AANAT: variants seen among roughly 807,000 people sequenced by gnomAD.
AANAT encodes serotonin N-acetyltransferase.
Under a neutral mutation model 15.6 loss-of-function variants are expected in AANAT, and 11 were observed. The observed-to-expected ratio is 0.71, with a 90% CI of 0.44 to 1.17. The LOEUF (loss-of-function observed/expected upper bound fraction) is 1.17. Ranked by LOEUF, AANAT falls within the 50% of genes most tolerant of loss-of-function variation. AANAT has a pLI of 0.00. For synonymous variants in AANAT, 139 were observed against 131.5 expected (o/e 1.06, Z -0.39); for missense variants, 286 against 296.3 (o/e 0.97, Z 0.26).
chr17:76,465,876 G>T, upstream of AANAT: 2 of 346,802 alleles, frequency 5.8e-6, no homozygotes, highest in Non-Finnish European at 1.1e-5. Context: ...GTATTTTTTT[G>T]AGACAGGGTC....
upstream of AANAT, chr17:76,465,914 G>T (rs2073432257): frequency 4.2e-6 from 2 of 470,872 alleles, no homozygotes; most frequent in African/African-American, 4.0e-5. Flanking sequence ...CTGGAGTGCA[G>T]TGGCGAGTCA....
At position 76,469,196 on chromosome 17, in the gene AANAT, T is replaced by G; in HGVS notation, c.187T>G (p.Cys63Gly). The G allele has an allele frequency of 6.2e-7, 1 of 1,614,148 alleles. No individual in the cohort carries two copies. Among genetic ancestry groups the G allele is most frequent in the South Asian group, 1.1e-5 (1 of 91,088 alleles). The part of the protein sequence containing the change: ...REAFISVLGV[C>G]PLYLDEIRHF... Reference sequence around the variant, plus strand: ...AGCCTTCATCTCCGTCTTGGGCGTCTGCCCCCTGTACCTGGATGAGATCCG... The same window carrying G: ...AGCCTTCATCTCCGTCTTGGGCGTCGGCCCCCTGTACCTGGATGAGATCCG... The change falls in exon 3 of 4, where the codon TGC (cysteine) becomes GGC (glycine). Residue 63 changes from cysteine (C) to glycine (G), a missense_variant. Coordinates refer to ENST00000392492, the MANE Select transcript of AANAT (RefSeq NM_001088.3). The surrounding 1 kb of genome is among the most constrained non-coding windows in gnomAD (Gnocchi z 5.2).
chr17:76,463,309 CTTT>C (rs60885549), upstream of AANAT, among the ~76,000 whole-genome samples: 1 of 111,948 alleles, frequency 8.9e-6, no homozygotes, highest in Non-Finnish European at 1.7e-5. Context: ...GGAAGGATTC[CTTT>C]TTTTTTTTTT....
At chr17:76,467,399 C>A (rs1354672721), upstream of AANAT, 3 of 292,256 alleles carry the variant, frequency 1.0e-5, no homozygotes, top group South Asian at 3.9e-4. Context: ...TGAGGCTTAG[C>A]CCCACGCTCT....
At chr17:76,468,438 A>C (rs569330794) in intron 1 of AANAT, among the ~76,000 whole-genome samples, 1 of 152,200 alleles carries the variant, frequency 6.6e-6, no homozygotes, top group Non-Finnish European at 1.5e-5. Context: ...GCAGGTCTGC[A>C]AGGTGGCAAA....
Position 76,467,631 on chromosome 17 carries a change from C to G in AANAT, c.-172C>G. 2.0e-6 allele frequency: 2 copies of G among 985,528 alleles called. No individual in the cohort carries two copies. The highest frequency in any genetic ancestry group is 9.4e-5 in the South Asian group (2 of 21,286). 61.0% of individuals were successfully genotyped at this position (985,528 alleles called of 1,614,324 possible). A position where few individuals can be genotyped will look rare whatever the true frequency, so the allele number is the denominator to read the frequency against. On this transcript the variant is annotated 5_prime_UTR_variant, in exon 1 of 4. Coordinates refer to ENST00000392492, the MANE Select transcript of AANAT (RefSeq NM_001088.3). ...CATCTGCTACTACAGCCTTGCAGCCCGGAGTCCCGGATTTTACTGGTTCCC... is the reference window on the plus strand; with the variant it reads ...CATCTGCTACTACAGCCTTGCAGCCGGGAGTCCCGGATTTTACTGGTTCCC...
chr17:76,464,192 AT>A (rs2073415954), upstream of AANAT, among the ~76,000 whole-genome samples: 1 of 152,282 alleles, frequency 6.6e-6, no homozygotes, highest in African/African-American at 2.4e-5. Flanking sequence ...AATAAAAAAA[AT>A]TAGCCAGGCA....
upstream of AANAT, chr17:76,465,815 T>G (rs554291682): frequency 2.5e-5 from 7 of 280,606 alleles, no homozygotes; most frequent in Non-Finnish European, 4.2e-5. Flanking sequence ...CTTCCCAGTT[T>G]CACCATGTTT....
At chr17:76,463,913 T>C (rs2073413273), upstream of AANAT, among the ~76,000 whole-genome samples, 1 of 152,170 alleles carries the variant, frequency 6.6e-6, no homozygotes, top group Non-Finnish European at 1.5e-5. Context: ...TCACCACATC[T>C]GATTAGGAGT....
At chr17:76,466,092 CAAAG>C, upstream of AANAT, 1 of 1,272,974 alleles carries the variant, frequency 7.9e-7, no homozygotes, top group Non-Finnish European at 1.1e-6. Context: ...TGGAAGTCAG[CAAAG>C]AGAGAGGCCG....
intron 1 of AANAT, among the ~76,000 whole-genome samples, chr17:76,455,220 G>C (rs2073332622): frequency 6.6e-6 from 1 of 152,240 alleles, no homozygotes. Flanking sequence ...GGGATGCCAA[G>C]GTGGGTGGAT....
chr17:76,462,511 G>A (rs1019023465), intron 3 of AANAT: 2 of 152,294 alleles, frequency 1.3e-5, no homozygotes, highest in African/African-American at 2.4e-5. Context: ...CAAGTCTGAA[G>A]CTCCTCGGGG....
intron 1 of AANAT, among the ~76,000 whole-genome samples, chr17:76,455,425 T>G (rs1485940324): frequency 1.1e-4 from 16 of 152,330 alleles, no homozygotes; most frequent in Admixed American, 1.0e-3. Context: ...CACTCCAGCT[T>G]GGGTGACAGA....
upstream of AANAT, among the ~76,000 whole-genome samples, chr17:76,466,771 A>G (rs972526541): frequency 1.3e-5 from 2 of 152,202 alleles, no homozygotes; most frequent in African/African-American, 4.8e-5. Flanking sequence ...ACGCGTATCC[A>G]GGGCCCGGCA....
chr17:76,464,661 C>T (rs1163930312), upstream of AANAT, among the ~76,000 whole-genome samples: 3 of 152,028 alleles, frequency 2.0e-5, no homozygotes, highest in African/African-American at 4.8e-5. Flanking sequence ...CCTCGGCCTC[C>T]CAAAGTGCTG....
chr17:76,458,964 G>A (rs1378371028), intron 1 of AANAT, among the ~76,000 whole-genome samples: 3 of 152,220 alleles, frequency 2.0e-5, no homozygotes, highest in Non-Finnish European at 4.4e-5. Context: ...GCTGAATGCC[G>A]CTCAAGGCTT....
At chr17:76,455,636 A>G (rs913135793) in intron 1 of AANAT, among the ~76,000 whole-genome samples, 6 of 124,438 alleles carry the variant, frequency 4.8e-5, no homozygotes, top group African/African-American at 1.6e-4. Context: ...TAAGTTGGAT[A>G]TTACAGTATT....
chr17:76,465,774 T>C (rs896337256), upstream of AANAT: 4 of 259,262 alleles, frequency 1.5e-5, no homozygotes, highest in Non-Finnish European at 3.1e-5. Flanking sequence ...TGCCCTCCCC[T>C]GTCTCCTCTC....
In AANAT at chr17:76,469,084, G is replaced by T; in HGVS notation, c.164-89G>T. 1 of 1,566,750 alleles carries T rather than the reference G, an allele frequency of 6.4e-7. No homozygotes were observed. On this transcript the variant is annotated intron_variant, in intron 2 of 3. Transcript: ENST00000392492. The surrounding 1 kb of genome is among the most constrained non-coding windows in gnomAD (Gnocchi z 5.2). ...TAACCCCCATTTTCCTGTGGGGAAC[G>T]GGGCATCTGAGTGGACACTCGGGGT...
Sources: allele counts gnomAD v4.1 joint callset (sites outside exome capture counted in the v4.1 genomes callset), GRCh38; gene constraint gnomAD v4.1.1; non-coding constraint Gnocchi (gnomAD v3.1); transcripts MANE v1.5; gene names NCBI Gene and HGNC (gene_info 2026-07-23, HGNC 2026-07-21).